The following TM4SF19 variants were observed in gnomAD, a reference collection of about 807,000 sequenced individuals.
TM4SF19 encodes the protein transmembrane 4 L six family member 19, also known as transmembrane 4 L6 family member 19.
Under a neutral mutation model 21.8 loss-of-function variants are expected in TM4SF19, and 17 were observed. The observed-to-expected ratio is 0.78, with a 90% CI of 0.53 to 1.17. TM4SF19 has a LOEUF of 1.17. Ranked by LOEUF, TM4SF19 falls within the 50% of genes most tolerant of loss-of-function variation. The pLI is 0.00. For missense variants in TM4SF19, 216 were observed against 252.1 expected, an observed-to-expected ratio of 0.86 and a Z score of 0.97; for synonymous variants, 107 against 106.7, an observed-to-expected ratio of 1.00 and a Z score of -0.02.
At position 196,334,073 on chromosome 3, in the gene TM4SF19, T is replaced by A. The variant is rs544329878; in HGVS notation, c.-2+4191A>T. On this transcript the variant is annotated intron_variant, in intron 1 of 4. Coordinates refer to ENST00000273695, the MANE Select transcript of TM4SF19 (RefSeq NM_138461.4). ...GAGACTCCGTCTCAAAAAAAAAAAA[T>A]TGCATTAAAAAAGAATTAAACATAA... Among the ~76,000 whole-genome samples, 952 of 151,018 alleles carry A rather than the reference T, an allele frequency of 6.3e-3. 5 individuals are homozygous for A. Among genetic ancestry groups the A allele is most frequent in the Non-Finnish European group, 0.011 (713 of 67,558 alleles).
chr3:196,334,806 G>GCCAGAGGACA (rs1727660437), intron 1 of TM4SF19, among the ~76,000 whole-genome samples: 1 of 139,826 alleles, frequency 7.2e-6, no homozygotes, highest in Non-Finnish European at 1.6e-5. Flanking sequence ...TGGGAGGGTG[G>GCCAGAGGACA]GGGTAGGAGA....
intron 3 of TM4SF19, 70 bp downstream of exon 3, chr3:196,326,885 A>T: frequency 7.1e-7 from 1 of 1,414,592 alleles, no homozygotes; most frequent in Non-Finnish European, 9.9e-7. Flanking sequence ...TTGCCTCTTT[A>T]CCGCCCTGCC....
At chr3:196,336,621 A>G (rs2108814419) in intron 1 of TM4SF19, among the ~76,000 whole-genome samples, 1 of 152,354 alleles carries the variant, frequency 6.6e-6, no homozygotes, top group South Asian at 2.1e-4. Context: ...TTCCCCTAGA[A>G]ATTATAACAT....
rs1359771194 is a variant in TM4SF19 at position 196,325,561 on chromosome 3, T to A, written c.280-1121A>T. 1 of 152,172 alleles carries A rather than the reference T, an allele frequency of 6.6e-6. No individual in the cohort carries two copies. The highest frequency in any genetic ancestry group is 1.5e-5 in the Non-Finnish European group (1 of 68,042). The allele number at this position is 152,172 out of a possible 1,614,324, so 9.4% of individuals were successfully genotyped here. On this transcript the variant is annotated intron_variant, in intron 3 of 4. Coordinates refer to ENST00000273695, the MANE Select transcript of TM4SF19 (RefSeq NM_138461.4). This position sits in a 1 kb window ranked among gnomAD's most constrained non-coding sequence, Gnocchi z 4.3. The stretch of plus-strand genomic sequence containing the variant: ...CTCCCTCCCCCAAAAATGCCTATTT[T>A]AAAAATGTGAATAACACCTACATAG...
At chr3:196,332,878 G>A (rs532645479) in intron 1 of TM4SF19, among the ~76,000 whole-genome samples, 26 of 133,188 alleles carry the variant, frequency 2.0e-4, no homozygotes, top group Non-Finnish European at 3.6e-4. Flanking sequence ...TTTGAGACAG[G>A]GTCTTGCTCT....
chr3:196,326,808 C>A, intron 3 of TM4SF19, 147 bp downstream of exon 3: 1 of 561,480 alleles, frequency 1.8e-6, no homozygotes, highest in Non-Finnish European at 3.2e-6. Flanking sequence ...GATGAAGCAA[C>A]TTGCCCAAGA....
intron 1 of TM4SF19, 72 bp from the exon 2 acceptor site, chr3:196,327,663 T>C: frequency 7.5e-7 from 1 of 1,328,844 alleles, no homozygotes; most frequent in South Asian, 1.2e-5. Flanking sequence ...CAGCAGCATA[T>C]CATGGGTGAG....
chr3:196,337,215 C>T (rs144926073), intron 1 of TM4SF19, among the ~76,000 whole-genome samples: 3,472 of 151,986 alleles, frequency 0.023, 76 homozygotes, highest in Middle Eastern at 0.079. Flanking sequence ...GCATGCACCA[C>T]GCCCGGCTAA....
intron 1 of TM4SF19, among the ~76,000 whole-genome samples, chr3:196,336,311 T>C (rs967722812): frequency 4.6e-5 from 7 of 152,172 alleles, no homozygotes; most frequent in African/African-American, 1.7e-4. Context: ...GCTAATTTTG[T>C]ATTTTTAGTA....
chr3:196,334,750 G>C (rs906201119), intron 1 of TM4SF19, among the ~76,000 whole-genome samples: 1 of 151,594 alleles, frequency 6.6e-6, no homozygotes, highest in African/African-American at 2.4e-5. Context: ...CACCAAACCC[G>C]GCCAGACTGT....
chr3:196,334,129 ATAAT>A (rs1349350693), intron 1 of TM4SF19, among the ~76,000 whole-genome samples: 6 of 152,206 alleles, frequency 3.9e-5, no homozygotes, highest in African/African-American at 1.4e-4. Flanking sequence ...CTTGTGTGAG[ATAAT>A]TAACACCCAT....
chr3:196,333,605 T>C (rs994726111), intron 1 of TM4SF19, among the ~76,000 whole-genome samples: 1 of 152,120 alleles, frequency 6.6e-6, no homozygotes, highest in Non-Finnish European at 1.5e-5. Flanking sequence ...GAATTAAACA[T>C]TGGGGGAGGG....
chr3:196,324,901 A>G (rs1177629668), intron 3 of TM4SF19: 1 of 153,004 alleles, frequency 6.5e-6, no homozygotes, highest in Non-Finnish European at 1.5e-5. Context: ...TTTCAAATCA[A>G]GGATAAAAAA....
rs1366753727 is a variant in TM4SF19, at chr3:196,326,953, A to G, written c.279+2T>C. The G allele has an allele frequency of 6.2e-7, 1 of 1,606,966 alleles. No individual in the cohort carries two copies. The highest frequency in any genetic ancestry group is 8.5e-7 in the Non-Finnish European group (1 of 1,174,072). On this transcript the variant is annotated splice_donor_variant, in intron 3 of 4. Transcript: ENST00000273695. LOFTEE classifies it high-confidence loss of function. The stretch of plus-strand genomic sequence containing the variant: ...GTTAGAAGAGTGGAATCTGGTGCTT[A>G]CGCTTCGACAGAGCCCACTCTTACT...
At chr3:196,327,134 C>T in intron 2 of TM4SF19, 102 bp from the exon 3 acceptor site, 3 of 969,854 alleles carry the variant, frequency 3.1e-6, no homozygotes, top group Non-Finnish European at 4.8e-6. Flanking sequence ...CACATGAACG[C>T]AGTCCTGTTG....
rs769962658 is a variant in TM4SF19 at position 196,324,089 on chromosome 3, CG to C, written c.450-93del. ...GTAGAAAACTGGGGTCTCCCCTGAC[CG>C]GGTCATGGGACTGGGCTCATGAGGG... On this transcript the variant is annotated intron_variant, in intron 4 of 4. Transcript: ENST00000273695. 4 of 1,516,832 alleles carry C rather than the reference CG, an allele frequency of 2.6e-6. No homozygotes were observed. The African/African-American group carries it at 4.1e-5, about 16-fold the overall frequency. 94.0% of individuals were successfully genotyped at this position (1,516,832 alleles called of 1,614,324 possible).
chr3:196,327,516 T>C lies in TM4SF19; in HGVS notation c.75A>G (p.Ala25=). 6.2e-7 allele frequency: 1 copy of C among 1,614,140 alleles called. No individual in the cohort carries two copies. The highest frequency in any genetic ancestry group is 8.5e-7 in the Non-Finnish European group (1 of 1,180,040). The part of the protein sequence containing the change: ...SRILGLSLGT[A]ALFAAGANVA... Reference sequence around the variant, plus strand: ...CGTTGGCCCCAGCAGCAAACAGGGCTGCAGTCCCAAGGCTCAGTCCCAGGA... The same window carrying C: ...CGTTGGCCCCAGCAGCAAACAGGGCCGCAGTCCCAAGGCTCAGTCCCAGGA... Residue 25 remains alanine (A), a synonymous_variant, in exon 2 of 5, where the codon GCA becomes GCG. Transcript: ENST00000273695.
rs1262737713 is a variant in TM4SF19, at chr3:196,328,224, C to T, written c.-1-633G>A. On this transcript the variant is annotated intron_variant, in intron 1 of 4. Transcript: ENST00000273695. ...CTGAGGCAGGAGAATTGCTTGAACC[C>T]GGGAGGCAGAGGTTGCAGTGAGCTG... Among the ~76,000 whole-genome samples, 10 of 151,842 alleles carry T rather than the reference C, an allele frequency of 6.6e-5. No homozygotes were observed. In the South Asian group the frequency reaches 1.5e-3, roughly 22 times the overall value.
At chr3:196,331,274 C>G (rs1727493214) in intron 1 of TM4SF19, among the ~76,000 whole-genome samples, 1 of 146,300 alleles carries the variant, frequency 6.8e-6, no homozygotes, top group Non-Finnish European at 1.5e-5. Flanking sequence ...GAAGCTCTAT[C>G]TAAAAAAAAA....
Sources: allele counts gnomAD v4.1 joint callset (sites outside exome capture counted in the v4.1 genomes callset), GRCh38; gene constraint gnomAD v4.1.1; non-coding constraint Gnocchi (gnomAD v3.1); transcripts MANE v1.5; gene names NCBI Gene and HGNC (gene_info 2026-07-23, HGNC 2026-07-21).